The following DENND3 variants were observed in gnomAD, a reference collection of about 807,000 sequenced individuals.
DENND3 encodes DENN domain-containing protein 3.
Under a neutral mutation model 135.1 loss-of-function variants are expected in DENND3, and 88 were observed. The ratio of observed to expected loss-of-function variants is 0.65; its 90% confidence interval spans 0.55 to 0.78. The LOEUF (loss-of-function observed/expected upper bound fraction) is 0.78. DENND3 is among the 30% of genes least tolerant of loss of function. The pLI, the probability that DENND3 is intolerant of heterozygous loss-of-function variation, is 0.00. For synonymous variants in DENND3, 693 were observed against 712.3 expected (o/e 0.97, Z 0.43); for missense variants, 1,392 against 1,688.4 (o/e 0.82, Z 3.08).
At chr8:141,164,042 C>T (rs1430253549) in intron 10 of DENND3, among the ~76,000 whole-genome samples, 1 of 152,110 alleles carries the variant, frequency 6.6e-6, no homozygotes, top group Non-Finnish European at 1.5e-5. Context: ...TTCCATGGCT[C>T]CAGTCTGCCC....
chr8:141,171,157 A>G (rs557388496), intron 13 of DENND3, among the ~76,000 whole-genome samples: 13 of 152,164 alleles, frequency 8.5e-5, no homozygotes, highest in African/African-American at 1.7e-4. Context: ...GAAGTTACCA[A>G]TGTAAAGCAG....
Position 141,160,791 on chromosome 8 carries a change from C to G in DENND3, c.1352+4C>G. The G allele has an allele frequency of 6.2e-7, 1 of 1,604,738 alleles. No homozygotes were observed. Among genetic ancestry groups the G allele is most frequent in the Non-Finnish European group, 8.5e-7 (1 of 1,173,026 alleles). ...AGCTGCTCGTGAGCATCTTCAGGTA[C>G]GTGAGAGAACATTCCCAGTGTCCAT... On this transcript the variant is annotated splice_donor_region_variant and intron_variant, in intron 9 of 22. Transcript: ENST00000519811.
In DENND3 at chr8:141,155,859, G is replaced by A; in HGVS notation, c.1085G>A (p.Gly362Asp). 6.3e-7 allele frequency: 1 copy of A among 1,599,348 alleles called. No homozygotes were observed. Among genetic ancestry groups the A allele is most frequent in the Non-Finnish European group, 8.5e-7 (1 of 1,172,068 alleles). Reference sequence around the variant, plus strand: ...TTCCTTGTTTTCTAGGAAGCCGACGGTTTAGTTCTGATAAATATTGATCAT... The same window carrying A: ...TTCCTTGTTTTCTAGGAAGCCGACGATTTAGTTCTGATAAATATTGATCAT... Reference protein sequence around the residue: ...HFEEVSKEADGLVLINIDHGS... With the variant: ...HFEEVSKEADDLVLINIDHGS... Residue 362 changes from glycine (G) to aspartate (D), a missense_variant, in exon 8 of 23, where the codon GGT becomes GAT. Physicochemically the swap from Gly to Asp is moderately conservative, Grantham distance 94. Coordinates refer to ENST00000519811, the MANE Select transcript of DENND3 (RefSeq NM_001352890.3).
chr8:141,140,396 G>A (rs1416698966), intron 3 of DENND3, among the ~76,000 whole-genome samples: 2 of 152,198 alleles, frequency 1.3e-5, no homozygotes. Context: ...CATGACGTAA[G>A]CACTTTGTGT....
Position 141,168,267 on chromosome 8 carries a change from A to G in DENND3, c.2017A>G (p.Thr673Ala). Residue 673 changes from threonine to alanine, a missense_variant, in exon 13 of 23, where the codon ACT becomes GCT. Coordinates refer to ENST00000519811, the MANE Select transcript of DENND3 (RefSeq NM_001352890.3). The surrounding 1 kb of genome is among the most constrained non-coding windows in gnomAD (Gnocchi z 6.2). Reference sequence around the variant, plus strand: ...TAAAACAGACATACGGATCTTTCCCACTGATTTGGTGAAGAGGACGGTGGA... The same window carrying G: ...TAAAACAGACATACGGATCTTTCCCGCTGATTTGGTGAAGAGGACGGTGGA... ...LYKTDIRIFP[T>A]DLVKRTVESM... 6.2e-7 allele frequency: 1 copy of G among 1,614,066 alleles called. No homozygotes were observed. Among genetic ancestry groups the G allele is most frequent in the Non-Finnish European group, 8.5e-7 (1 of 1,180,004 alleles).
At chr8:141,147,011 A>C (rs1818227682) in intron 5 of DENND3, among the ~76,000 whole-genome samples, 1 of 151,958 alleles carries the variant, frequency 6.6e-6, no homozygotes, top group South Asian at 2.1e-4. Flanking sequence ...CGTGCGTAGC[A>C]CTCCCAGCGC....
intron 13 of DENND3, among the ~76,000 whole-genome samples, chr8:141,170,912 C>T (rs1429802148): frequency 1.3e-5 from 2 of 152,214 alleles, no homozygotes; most frequent in African/African-American, 4.8e-5. Flanking sequence ...CAGGGTCCGT[C>T]CATCTTTTGA....
chr8:141,147,305 G>C (rs570864855), intron 5 of DENND3, among the ~76,000 whole-genome samples: 1 of 152,240 alleles, frequency 6.6e-6, no homozygotes, highest in African/African-American at 2.4e-5. Context: ...AGTGGCTGCA[G>C]AGATTATTAA....
At position 141,141,081 on chromosome 8, in the gene DENND3, G is replaced by A. The variant is rs376146087; in HGVS notation, c.502-122G>A. 19 of 1,488,312 alleles carry A rather than the reference G, an allele frequency of 1.3e-5. No homozygotes were observed. Among genetic ancestry groups the A allele is most frequent in the Admixed American group, 5.2e-5 (3 of 57,650 alleles). The allele number at this position is 1,488,312 out of a possible 1,614,324, so 92.2% of individuals were successfully genotyped here. A position where few individuals can be genotyped will look rare whatever the true frequency, so the allele number is the denominator to read the frequency against. ...GGAGGGCCGGTGCTGGCTTGGACGC[G>A]TTGCAGGGGTGGGGATGGTGGACTC... On this transcript the variant is annotated intron_variant, in intron 3 of 22. Coordinates refer to ENST00000519811, the MANE Select transcript of DENND3 (RefSeq NM_001352890.3). The surrounding 1 kb of genome is among the most constrained non-coding windows in gnomAD (Gnocchi z 5.3).
rs764032094 is a variant in DENND3 at position 141,180,768 on chromosome 8, C to T, written c.2858C>T (p.Thr953Ile). The T allele has an allele frequency of 5.6e-6, 9 of 1,613,184 alleles. No individual in the cohort carries two copies. Among genetic ancestry groups the T allele is most frequent in the African/African-American group, 1.3e-5 (1 of 75,036 alleles). The change falls in exon 17 of 23, where the codon ACA becomes ATA. Residue 953 changes from threonine (T) to isoleucine (I), a missense_variant. By Grantham distance (89) the Thr-to-Ile change is moderately conservative (BLOSUM62 -1). Coordinates refer to ENST00000519811, the MANE Select transcript of DENND3 (RefSeq NM_001352890.3). ...TCAGTGCCCATGACGCTTCCGGAGA[C>T]AACCCTGGAAACACTGAAGCATAAA... ...SNEMPMTLPETTLETLKHKIN... is the reference protein window; with the variant it reads ...SNEMPMTLPEITLETLKHKIN...
intron 16 of DENND3, among the ~76,000 whole-genome samples, chr8:141,179,938 G>A (rs1278782477): frequency 6.6e-6 from 1 of 152,208 alleles, no homozygotes; most frequent in African/African-American, 2.4e-5. Context: ...CGCAGGGGCT[G>A]GCAGGAGGGA....
intron 8 of DENND3, chr8:141,158,151 C>T (rs1168515640): frequency 7.8e-7 from 1 of 1,288,960 alleles, no homozygotes; most frequent in Non-Finnish European, 1.0e-6. Context: ...AGGCTGGTTT[C>T]TGCTTGCTTG....
chr8:141,191,148 C>T (rs1346055316), intron 20 of DENND3: 8 of 152,270 alleles, frequency 5.3e-5, no homozygotes, highest in African/African-American at 1.9e-4. Flanking sequence ...TCAAGACACG[C>T]AGCGTTTCCG....
rs908698113 is a variant in DENND3 at position 141,138,175 on chromosome 8, T to G, written c.501+38T>G. The G allele has an allele frequency of 1.3e-6, 2 of 1,552,808 alleles. No individual in the cohort carries two copies. Among genetic ancestry groups the G allele is most frequent in the African/African-American group, 2.7e-5 (2 of 73,348 alleles). On this transcript the variant is annotated intron_variant, in intron 3 of 22. Coordinates refer to ENST00000519811, the MANE Select transcript of DENND3 (RefSeq NM_001352890.3). The surrounding 1 kb of genome is among the most constrained non-coding windows in gnomAD (Gnocchi z 4.8). ...CGTTACTCCCCTCTGAAATTGGGTT[T>G]AGATTTTTTATTATGGTGAAATACA...
At position 141,175,248 on chromosome 8, in the gene DENND3, G is replaced by C. The variant is rs1451734320; in HGVS notation, c.2324G>C (p.Cys775Ser). 1 of 1,614,088 alleles carries C rather than the reference G, an allele frequency of 6.2e-7. No homozygotes were observed. Among genetic ancestry groups the C allele is most frequent in the African/African-American group, 1.3e-5 (1 of 74,940 alleles). Residue 775 changes from cysteine to serine, a missense_variant, in exon 14 of 23, where the codon TGC (cysteine) becomes TCC (serine). Coordinates refer to ENST00000519811, the MANE Select transcript of DENND3 (RefSeq NM_001352890.3). The surrounding 1 kb of genome is among the most constrained non-coding windows in gnomAD (Gnocchi z 5.4). ...DPETFKDFYN[C>S]WKETEAEAQE... is the part of the protein sequence containing the mutation. ...GAAACATTCAAAGATTTCTACAACT[G>C]CTGGAAGGAGACGGAAGCAGAAGCC... is the stretch of plus-strand genomic sequence containing the variant.
intron 7 of DENND3, among the ~76,000 whole-genome samples, chr8:141,153,373 C>T (rs754193989): frequency 6.6e-6 from 1 of 152,176 alleles, no homozygotes; most frequent in Non-Finnish European, 1.5e-5. Flanking sequence ...GGATTACAGG[C>T]GTGAGCCACC....
intron 1 of DENND3, among the ~76,000 whole-genome samples, chr8:141,129,096 G>A (rs1213866625): frequency 6.6e-6 from 1 of 152,162 alleles, no homozygotes; most frequent in Non-Finnish European, 1.5e-5. Flanking sequence ...TCCGCCGGCC[G>A]GGAATCTGGG....
intron 8 of DENND3, among the ~76,000 whole-genome samples, chr8:141,156,624 C>T (rs537648839): frequency 1.2e-4 from 18 of 152,114 alleles, no homozygotes; most frequent in African/African-American, 3.1e-4. Context: ...GTCGTATACC[C>T]GGAATTGGGC....
intron 16 of DENND3, 151 bp downstream of exon 16, chr8:141,178,347 C>G (rs1012381799): frequency 8.3e-7 from 1 of 1,203,282 alleles, no homozygotes; most frequent in Non-Finnish European, 1.1e-6. Context: ...GAGTCGCACA[C>G]CTTATCCGGC....
Sources: allele counts gnomAD v4.1 joint callset (sites outside exome capture counted in the v4.1 genomes callset), GRCh38; gene constraint gnomAD v4.1.1; non-coding constraint Gnocchi (gnomAD v3.1); transcripts MANE v1.5; gene names NCBI Gene and HGNC (gene_info 2026-07-23, HGNC 2026-07-21).